Variants in FARP1 observed in about 807,000 individuals in gnomAD.
FARP1 encodes the protein FERM, ARHGEF and pleckstrin domain-containing protein 1.
FARP1 carries 52 observed loss-of-function variants against 128.8 expected under a neutral mutation model. The ratio of observed to expected loss-of-function variants is 0.40; its 90% CI spans 0.32 to 0.51. The LOEUF is 0.51. Among genes scored for constraint, FARP1 ranks in the 20% least tolerant of loss-of-function variants. The pLI, the probability that FARP1 is intolerant of heterozygous loss-of-function variation, is 0.45. For synonymous variants in FARP1, 580 were observed against 551.8 expected, an observed-to-expected ratio of 1.05 and a Z score of -0.72; for missense variants, 1,333 against 1,367.9, an observed-to-expected ratio of 0.97 and a Z score of 0.40.
intron 2 of FARP1, among the ~76,000 whole-genome samples, chr13:98,237,645 TTGAA>T (rs1882503334): frequency 1.3e-5 from 2 of 152,246 alleles, no homozygotes; most frequent in African/African-American, 4.8e-5. Context: ...ACTGTAAACT[TTGAA>T]TGACACTATG....
chr13:98,263,858 T>C (rs1566808737), intron 2 of FARP1, among the ~76,000 whole-genome samples: 1 of 151,464 alleles, frequency 6.6e-6, no homozygotes, highest in Non-Finnish European at 1.5e-5. Context: ...TTTTTAGTGC[T>C]CCCCCCCCAA....
Position 98,446,116 on chromosome 13 carries a change from C to T in FARP1, c.2815C>T (p.Leu939=). The change falls in exon 25 of 27, where the codon CTG becomes TTG. Residue 939 remains leucine, a synonymous_variant. Coordinates refer to ENST00000319562, the MANE Select transcript of FARP1 (RefSeq NM_005766.4). ...IAVENQLSGN[L]LRKFKNSNGW... ...CTTTCAGAATCAGTTGTCTGGAAAC[C>T]TGCTGAGGAAATTCAAAAACAGCAA... The T allele has an allele frequency of 6.2e-7, 1 of 1,613,810 alleles. No homozygotes were observed. Among genetic ancestry groups the T allele is most frequent in the Non-Finnish European group, 8.5e-7 (1 of 1,179,678 alleles).
intron 2 of FARP1, among the ~76,000 whole-genome samples, chr13:98,299,208 A>AGC (rs1419579582): frequency 6.6e-6 from 1 of 152,278 alleles, no homozygotes; most frequent in Admixed American, 6.5e-5. Context: ...TCTACCATGC[A>AGC]GAAGTAACCA....
intron 1 of FARP1, among the ~76,000 whole-genome samples, chr13:98,166,337 T>C (rs567772995): frequency 1.3e-5 from 2 of 152,332 alleles, no homozygotes; most frequent in Admixed American, 6.5e-5. Flanking sequence ...TTAATATACA[T>C]AGATATTGCC....
At chr13:98,438,353 TCTTTC>T (rs1892376037) in intron 19 of FARP1, among the ~76,000 whole-genome samples, 1 of 152,108 alleles carries the variant, frequency 6.6e-6, no homozygotes, top group Admixed American at 6.5e-5. Flanking sequence ...TTTTATAGCC[TCTTTC>T]TTCTTTGAGA....
intron 2 of FARP1, among the ~76,000 whole-genome samples, chr13:98,316,078 A>G (rs990601326): frequency 2.6e-5 from 4 of 152,010 alleles, no homozygotes; most frequent in Non-Finnish European, 5.9e-5. Flanking sequence ...GAGTATGTCA[A>G]CCCTCATGGT....
intron 2 of FARP1, among the ~76,000 whole-genome samples, chr13:98,227,741 G>T (rs1215473416): frequency 1.3e-5 from 2 of 152,290 alleles, no homozygotes; most frequent in East Asian, 3.9e-4. Context: ...TTGGATAAAT[G>T]GAGAAGCAAA....
intron 13 of FARP1, chr13:98,399,651 A>G (rs907278876): frequency 1.3e-5 from 2 of 152,174 alleles, no homozygotes; most frequent in African/African-American, 4.8e-5. Flanking sequence ...TCCTGACTCA[A>G]TAGGGGACCC....
intron 2 of FARP1, among the ~76,000 whole-genome samples, chr13:98,287,420 G>C (rs141528050): frequency 6.6e-6 from 1 of 151,328 alleles, no homozygotes; most frequent in Non-Finnish European, 1.5e-5. Flanking sequence ...TAGTAGAGAC[G>C]GGGTTTCACC....
rs555998227 is a variant in FARP1 at position 98,255,893 on chromosome 13, G to A, written c.171+42480G>A. 6.6e-5 allele frequency among the ~76,000 whole-genome samples: 10 copies of A among 152,304 alleles called. No homozygotes were observed. The South Asian group carries it at 1.0e-3, about 16-fold the overall frequency. On this transcript the variant is annotated intron_variant, in intron 2 of 26. Transcript: ENST00000319562. ...GAAGCGTAGTAGAAACATGTAGCTG[G>A]AACTGTAGGCCATTGTGTGCGCAGT...
At chr13:98,204,863 G>A (rs1880171573) in intron 1 of FARP1, among the ~76,000 whole-genome samples, 1 of 152,062 alleles carries the variant, frequency 6.6e-6, no homozygotes, top group Admixed American at 6.6e-5. Context: ...CAGGAGGATC[G>A]CTTGAGCCCA....
At chr13:98,262,713 T>C (rs1883939439) in intron 2 of FARP1, among the ~76,000 whole-genome samples, 1 of 152,212 alleles carries the variant, frequency 6.6e-6, no homozygotes, top group African/African-American at 2.4e-5. Context: ...ACATGACTTT[T>C]AGTTGAAAAT....
intron 26 of FARP1, 75 bp from the exon 27 acceptor site, chr13:98,448,161 T>C (rs1261927126): frequency 1.7e-5 from 22 of 1,280,254 alleles, no homozygotes; most frequent in Non-Finnish European, 2.3e-5. Context: ...CTTGTGTTTC[T>C]GTAAGCGATG....
At chr13:98,357,400 A>C (rs1469965597) in intron 3 of FARP1, among the ~76,000 whole-genome samples, 2 of 152,202 alleles carry the variant, frequency 1.3e-5, no homozygotes, top group Non-Finnish European at 2.9e-5. Flanking sequence ...CTTACTGTAC[A>C]TTAGGCTGCT....
At chr13:98,234,361 A>G (rs138540371) in intron 2 of FARP1, 4 of 152,350 alleles carry the variant, frequency 2.6e-5, no homozygotes, top group Non-Finnish European at 5.9e-5. Flanking sequence ...GATCTCAAAC[A>G]TGAGAGAGCA....
At chr13:98,143,041 C>T (rs187402998), upstream of FARP1, 6,208 of 147,996 alleles carry the variant, frequency 0.042, 358 homozygotes, top group African/African-American at 0.13. Flanking sequence ...GCGCGGCGCC[C>T]GCCTCCCCCC....
chr13:98,440,077 C>G (rs1304573309), intron 22 of FARP1, 34 bp downstream of exon 22: 2 of 1,610,128 alleles, frequency 1.2e-6, no homozygotes, highest in South Asian at 1.1e-5. Context: ...CCTGTTTCCC[C>G]TTTGATGTGC....
At chr13:98,253,453 C>G (rs1420547736) in intron 2 of FARP1, among the ~76,000 whole-genome samples, 1 of 152,118 alleles carries the variant, frequency 6.6e-6, no homozygotes, top group East Asian at 1.9e-4. Flanking sequence ...AGACTCAGAT[C>G]AAAGACTTTG....
At chr13:98,439,646 C>T (rs1375565559) in intron 21 of FARP1, among the ~76,000 whole-genome samples, 2 of 152,196 alleles carry the variant, frequency 1.3e-5, no homozygotes, top group Non-Finnish European at 2.9e-5. Flanking sequence ...CCTCCTGTCC[C>T]CCTTGGCAGG....
Sources: allele counts gnomAD v4.1 joint callset (sites outside exome capture counted in the v4.1 genomes callset), GRCh38; gene constraint gnomAD v4.1.1; transcripts MANE v1.5; gene names NCBI Gene and HGNC (gene_info 2026-07-23, HGNC 2026-07-21).